PEX5L: variants seen among roughly 807,000 people sequenced by gnomAD.
The protein encoded by PEX5L is PEX5-related protein.
PEX5L carries 30 observed loss-of-function variants against 84.0 expected under a neutral mutation model. The observed-to-expected ratio is 0.36, with a 90% CI of 0.27 to 0.48. The LOEUF (loss-of-function observed/expected upper bound fraction) is 0.48. PEX5L is among the 20% of genes least tolerant of loss of function. The probability of loss-of-function intolerance (pLI) is 0.99; values close to 1 mark genes in which losing one functional copy is unlikely to be tolerated. For missense variants in PEX5L, 533 were observed against 754.6 expected, an observed-to-expected ratio of 0.71 and a Z score of 3.44; for synonymous variants, 270 against 283.1, an observed-to-expected ratio of 0.95 and a Z score of 0.46.
chr3:179,836,091 T>C (rs1734827892), intron 8 of PEX5L, among the ~76,000 whole-genome samples: 1 of 152,152 alleles, frequency 6.6e-6, no homozygotes, highest in Non-Finnish European at 1.5e-5. Context: ...CTTCAGTATA[T>C]CTTATTTTAG....
At chr3:179,895,727 C>G (rs1759049525) in intron 3 of PEX5L, 1 of 152,012 alleles carries the variant, frequency 6.6e-6, no homozygotes, top group Non-Finnish European at 1.5e-5. Flanking sequence ...CAAAAAAGTT[C>G]TAGAATATGG....
At chr3:179,925,837 T>C (rs974130625) in intron 2 of PEX5L, among the ~76,000 whole-genome samples, 3 of 152,194 alleles carry the variant, frequency 2.0e-5, no homozygotes, top group Non-Finnish European at 4.4e-5. Flanking sequence ...ACATACTTAA[T>C]ATACCACAAC....
At chr3:180,020,788 C>T (rs1209429171) in intron 1 of PEX5L, among the ~76,000 whole-genome samples, 1 of 152,090 alleles carries the variant, frequency 6.6e-6, no homozygotes, top group Non-Finnish European at 1.5e-5. Context: ...ATTTCATCTT[C>T]AAAGATGCTA....
chr3:179,898,058 G>GTT, intron 3 of PEX5L, 84 bp downstream of exon 3: 74 of 726,442 alleles, frequency 1.0e-4, no homozygotes, highest in South Asian at 4.2e-4. Context: ...AAGAGTTAAA[G>GTT]TTTTTTTTTT....
At chr3:179,852,542 G>A (rs900965752) in intron 8 of PEX5L, among the ~76,000 whole-genome samples, 4 of 152,144 alleles carry the variant, frequency 2.6e-5, no homozygotes, top group Admixed American at 1.3e-4. Flanking sequence ...AAGGTTTCAC[G>A]TAAAGCTAAA....
intron 3 of PEX5L, among the ~76,000 whole-genome samples, chr3:179,890,093 A>G (rs1166769049): frequency 1.3e-5 from 2 of 152,178 alleles, no homozygotes; most frequent in Non-Finnish European, 2.9e-5. Flanking sequence ...CTGTACATTG[A>G]TACATATTTC....
At chr3:179,886,935 A>T (rs1437356220) in intron 4 of PEX5L, among the ~76,000 whole-genome samples, 1 of 152,100 alleles carries the variant, frequency 6.6e-6, no homozygotes, top group Non-Finnish European at 1.5e-5. Flanking sequence ...TCTGAACATC[A>T]TTTTTTCATT....
At chr3:179,962,706 G>C (rs1349089622) in intron 2 of PEX5L, among the ~76,000 whole-genome samples, 1 of 152,042 alleles carries the variant, frequency 6.6e-6, no homozygotes, top group African/African-American at 2.4e-5. Flanking sequence ...AATAAGTACG[G>C]CAACACTCCT....
chr3:179,875,435 T>A lies in PEX5L; in HGVS notation c.548A>T (p.His183Leu), dbSNP rs904482387. 6.2e-7 allele frequency: 1 copy of A among 1,613,630 alleles called. No homozygotes were observed. The highest frequency in any genetic ancestry group is 1.7e-5 in the Admixed American group (1 of 59,992). The change falls in exon 6 of 15, where the codon CAT (histidine) becomes CTT (leucine). Residue 183 changes from histidine (H) to leucine (L), a missense_variant. Physicochemically the swap from His to Leu is moderately conservative, Grantham distance 99. Around this residue, in one of 8 missense-constraint regions of PEX5L, gnomAD observed 259 missense variants for 301.7 expected, o/e 0.86. Coordinates refer to ENST00000467460, the MANE Select transcript of PEX5L (RefSeq NM_016559.3). The stretch of plus-strand genomic sequence containing the variant: ...ATGTCCCTTGGTATTTCGATCTCCA[T>A]GAAACTTAACATCGTCCCATTTTTC... ...QLEKWDDVKF[H>L]GDRNTKGHPM...
chr3:179,803,743 T>A (rs1720043927), intron 14 of PEX5L, among the ~76,000 whole-genome samples: 1 of 152,246 alleles, frequency 6.6e-6, no homozygotes, highest in African/African-American at 2.4e-5. Flanking sequence ...AAAATGAGAC[T>A]GGATTTCTAA....
In PEX5L at chr3:179,932,834, T is replaced by G. The variant is rs554933322; in HGVS notation, c.94-34588A>C. ...TAGCTTCATTAAGTTAGTTAACATA[T>G]GCATTACCTCATATATTAGCAATTT... is the stretch of plus-strand genomic sequence containing the variant. On this transcript the variant is annotated intron_variant, in intron 2 of 14. Coordinates refer to ENST00000467460, the MANE Select transcript of PEX5L (RefSeq NM_016559.3). Among the ~76,000 whole-genome samples, 192 of 152,336 alleles carry G rather than the reference T, an allele frequency of 1.3e-3. 2 individuals are homozygous for G. Among genetic ancestry groups the G allele is most frequent in the African/African-American group, 4.5e-3 (186 of 41,582 alleles).
At chr3:179,917,738 C>T (rs899051927) in intron 2 of PEX5L, among the ~76,000 whole-genome samples, 5 of 152,186 alleles carry the variant, frequency 3.3e-5, no homozygotes, top group Admixed American at 3.3e-4. Flanking sequence ...CGGCTCACCG[C>T]AACATCCGCC....
chr3:179,893,552 A>T (rs1459863829), intron 3 of PEX5L, among the ~76,000 whole-genome samples: 1 of 152,166 alleles, frequency 6.6e-6, no homozygotes, highest in East Asian at 1.9e-4. Context: ...AAAGTTTCTG[A>T]TAACATATTA....
At chr3:180,026,095 C>T (rs979351077) in intron 1 of PEX5L, among the ~76,000 whole-genome samples, 9 of 148,878 alleles carry the variant, frequency 6.0e-5, no homozygotes, top group East Asian at 2.0e-4. Flanking sequence ...AATTATTAAG[C>T]GACGTATGAT....
intron 2 of PEX5L, among the ~76,000 whole-genome samples, chr3:179,969,960 T>C (rs532562217): frequency 3.0e-4 from 46 of 152,200 alleles, no homozygotes; most frequent in Non-Finnish European, 5.3e-4. Context: ...GTCACAACAA[T>C]AGAAATTTTG....
chr3:179,840,184 T>TG (rs1553850525), intron 8 of PEX5L, among the ~76,000 whole-genome samples: 1,449 of 28,432 alleles, frequency 0.051, 14 homozygotes, highest in African/African-American at 0.12. Context: ...TGTGTGTGTG[T>TG]TTTTTTTTTT....
intron 3 of PEX5L, among the ~76,000 whole-genome samples, chr3:179,892,476 G>T (rs999099734): frequency 6.6e-6 from 1 of 152,076 alleles, no homozygotes; most frequent in Admixed American, 6.6e-5. Context: ...TCTCATCCAA[G>T]AATTTTTTTT....
intron 1 of PEX5L, among the ~76,000 whole-genome samples, chr3:180,018,845 C>T (rs1156618024): frequency 6.6e-6 from 1 of 152,096 alleles, no homozygotes; most frequent in East Asian, 1.9e-4. Flanking sequence ...TCTAAGGTTG[C>T]TGCAGATTCA....
intron 1 of PEX5L, among the ~76,000 whole-genome samples, chr3:180,011,989 A>G (rs1789533925): frequency 6.6e-6 from 1 of 152,236 alleles, no homozygotes; most frequent in Admixed American, 6.5e-5. Context: ...GGCAGCTGGT[A>G]TTCTTATAGA....
Sources: gnomAD v4.1 joint callset for allele counts (sites outside exome capture counted in the v4.1 genomes callset) on GRCh38, gnomAD v4.1.1 for gene constraint, gnomAD v4.1.1 regional missense constraint, MANE v1.5 for transcripts, NCBI Gene and HGNC (gene_info 2026-07-23, HGNC 2026-07-21) for gene names.